Variants in SP140 observed in about 807,000 individuals in gnomAD.
SP140 encodes the protein nuclear body protein SP140.
Under a neutral mutation model 125.0 loss-of-function variants are expected in SP140, and 81 were observed. The ratio of observed to expected loss-of-function variants is 0.65; its 90% CI spans 0.54 to 0.78. The LOEUF is 0.78. Among genes scored for constraint, SP140 ranks in the 30% least tolerant of loss-of-function variants. The pLI, the probability that SP140 is intolerant of heterozygous loss-of-function variation, is 0.00. For synonymous variants in SP140, 312 were observed against 354.0 expected (o/e 0.88, Z 1.33); for missense variants, 858 against 1,037.0 (o/e 0.83, Z 2.37).
At chr2:230,310,252 T>C (rs1180007089) in intron 23 of SP140, 1 of 568,502 alleles carries the variant, frequency 1.8e-6, no homozygotes, top group African/African-American at 1.9e-5. Context: ...TCCTCTGATA[T>C]GCTGAGGGCA....
chr2:230,263,528 A>G (rs774081259), intron 12 of SP140, among the ~76,000 whole-genome samples: 5 of 151,716 alleles, frequency 3.3e-5, no homozygotes, highest in Non-Finnish European at 5.9e-5. Flanking sequence ...TTTTGTTTTT[A>G]TTTTTTAACT....
rs748801675 is a variant in SP140, at chr2:230,310,040, G to A, written c.2174+1G>A. ...ACATCCCGCCTGTGGAAGCTGAGAG[G>A]TAAGTGACATGCAGGCGTCTCTCTT... is the stretch of plus-strand genomic sequence containing the variant. On this transcript the variant is annotated splice_donor_variant, in intron 23 of 26. Coordinates refer to ENST00000392045, the MANE Select transcript of SP140 (RefSeq NM_007237.5). LOFTEE classifies it high-confidence loss of function. The A allele has an allele frequency of 3.7e-6, 6 of 1,614,004 alleles. No homozygotes were observed. Among genetic ancestry groups the A allele is most frequent in the Non-Finnish European group, 4.2e-6 (5 of 1,179,860 alleles).
chr2:230,226,762 C>CAAAAAAAAAAAAAAAAAAAAA (rs11323886), intron 1 of SP140, among the ~76,000 whole-genome samples: 4 of 94,248 alleles, frequency 4.2e-5, no homozygotes, highest in Non-Finnish European at 8.5e-5. Flanking sequence ...AATTCCATCT[C>CAAAAAAAAAAAAAAAAAAAAA]AAAAAAAAAA....
chr2:230,226,279 GA>G (rs1312993670), intron 1 of SP140, among the ~76,000 whole-genome samples: 1 of 152,164 alleles, frequency 6.6e-6, no homozygotes, highest in Non-Finnish European at 1.5e-5. Context: ...GATCTTTTTA[GA>G]AGAATTAAAA....
intron 15 of SP140, among the ~76,000 whole-genome samples, chr2:230,280,461 A>T (rs2055375405): frequency 6.6e-6 from 1 of 152,154 alleles, no homozygotes; most frequent in Non-Finnish European, 1.5e-5. Context: ...CTTAATAGGT[A>T]AATTTCAATT....
chr2:230,266,565 T>C (rs1014639740), intron 12 of SP140, among the ~76,000 whole-genome samples: 1 of 152,356 alleles, frequency 6.6e-6, no homozygotes, highest in Admixed American at 6.5e-5. Context: ...TGGGCTCAAC[T>C]TAGTTCTCTG....
chr2:230,302,243 A>AC (rs953800322), intron 22 of SP140, among the ~76,000 whole-genome samples: 3 of 151,910 alleles, frequency 2.0e-5, no homozygotes, highest in African/African-American at 7.3e-5. Flanking sequence ...AAAAAAAAAA[A>AC]ATTAGCTGGG....
At chr2:230,233,313 C>G (rs181569981) in intron 1 of SP140, among the ~76,000 whole-genome samples, 2 of 152,092 alleles carry the variant, frequency 1.3e-5, no homozygotes, top group Non-Finnish European at 2.9e-5. Flanking sequence ...CTTGTCCTCA[C>G]TCAATTTAAA....
chr2:230,196,043 T>C, the SP140 span, among the ~76,000 whole-genome samples: 3 of 152,186 alleles, frequency 2.0e-5, no homozygotes, highest in African/African-American at 7.2e-5. Flanking sequence ...ATGTTAAGGA[T>C]ACCTAAACAT....
chr2:230,266,353 T>A, intron 12 of SP140, among the ~76,000 whole-genome samples: 1 of 152,214 alleles, frequency 6.6e-6, no homozygotes, highest in East Asian at 1.9e-4. Context: ...AATGTCTAGA[T>A]CTATAGAGTA....
At chr2:230,264,174 T>A (rs2052705088) in intron 12 of SP140, among the ~76,000 whole-genome samples, 1 of 152,078 alleles carries the variant, frequency 6.6e-6, no homozygotes, top group African/African-American at 2.4e-5. Flanking sequence ...ATTTTCTTAT[T>A]CTTTTTACTT....
At chr2:230,197,422 A>C in the SP140 span, among the ~76,000 whole-genome samples, 9 of 151,140 alleles carry the variant, frequency 6.0e-5, no homozygotes, top group South Asian at 2.1e-4. Flanking sequence ...TGTTTGAGTT[A>C]ATTGTAGATT....
At chr2:230,312,464 A>C in intron 26 of SP140, 122 bp from the exon 27 acceptor site, 1 of 618,732 alleles carries the variant, frequency 1.6e-6, no homozygotes, top group Non-Finnish European at 2.8e-6. Context: ...ATATGCCATT[A>C]TAAATTGTAG....
chr2:230,229,519 G>A (rs951223138), intron 1 of SP140, among the ~76,000 whole-genome samples: 5 of 122,504 alleles, frequency 4.1e-5, no homozygotes, highest in South Asian at 5.4e-4. Context: ...CCAGGCTGGA[G>A]TACAGTGGTG....
chr2:230,277,550 G>A (rs1248236127), intron 15 of SP140, among the ~76,000 whole-genome samples: 2 of 152,100 alleles, frequency 1.3e-5, no homozygotes, highest in African/African-American at 4.8e-5. Flanking sequence ...AGATATGCCT[G>A]TATCTTTATC....
In SP140 at chr2:230,248,433, G is replaced by T. The variant is rs558024587; in HGVS notation, c.892+368G>T. Among the ~76,000 whole-genome samples, 8 of 152,178 alleles carry T rather than the reference G, an allele frequency of 5.3e-5. No homozygotes were observed. In the South Asian group the frequency reaches 1.5e-3, roughly 28 times the overall value. ...AGTCCAAGGAGTTCTGCAGGTTCCC[G>T]GAGGAGTGGACCAGGGATCAATGTA... On this transcript the variant is annotated intron_variant, in intron 8 of 26. Coordinates refer to ENST00000392045, the MANE Select transcript of SP140 (RefSeq NM_007237.5).
At chr2:230,215,009 C>T in intron 3 of SP140, 1 of 1,614,010 alleles carries the variant, frequency 6.2e-7, no homozygotes, top group South Asian at 1.1e-5. Flanking sequence ...GTTAATTTGA[C>T]TGAACAATGT....
intron 12 of SP140, among the ~76,000 whole-genome samples, chr2:230,257,910 C>A (rs139568912): frequency 1.4e-5 from 2 of 144,474 alleles, no homozygotes; most frequent in East Asian, 2.0e-4. Context: ...CGGTGACTGG[C>A]GGCCTTCAAA....
chr2:230,255,843 A>G (rs1423121998), intron 12 of SP140, among the ~76,000 whole-genome samples: 3 of 152,104 alleles, frequency 2.0e-5, no homozygotes, highest in Non-Finnish European at 4.4e-5. Context: ...CATGCCTTTC[A>G]ATACTACAGT....
Sources: allele counts gnomAD v4.1 joint callset (sites outside exome capture counted in the v4.1 genomes callset), GRCh38; gene constraint gnomAD v4.1.1; transcripts MANE v1.5; gene names NCBI Gene and HGNC (gene_info 2026-07-23, HGNC 2026-07-21).